Variants in CDH9 observed in about 807,000 individuals in gnomAD.
CDH9 encodes the protein cadherin-9.
A neutral mutation model predicts 70.9 loss-of-function variants in CDH9; 28 were observed. The observed-to-expected ratio is 0.40, with a 90% confidence interval of 0.29 to 0.54. CDH9 has a LOEUF of 0.54. Among genes scored for constraint, CDH9 ranks in the 20% least tolerant of loss-of-function variants. CDH9 has a pLI of 0.59. For missense variants in CDH9, 874 were observed against 984.4 expected (o/e 0.89, Z 1.50); for synonymous variants, 409 against 343.1 (o/e 1.19, Z -2.12).
At position 26,915,862 on chromosome 5, in the gene CDH9, A is replaced by C; in HGVS notation, c.291T>G (p.Ala97=). 3 of 1,612,322 alleles carry C rather than the reference A, an allele frequency of 1.9e-6. No individual in the cohort carries two copies. The highest frequency in any genetic ancestry group is 2.5e-6 in the Non-Finnish European group (3 of 1,178,426). The change falls in exon 3 of 12, where the codon GCT becomes GCG. Residue 97 remains alanine (A), a synonymous_variant. Transcript: ENST00000231021. Reference sequence around the variant, plus strand: ...TTTCATCTATAACAAATAGACTGCCAGCCCCATCTCCTGTTAGTATGTATT... The same window carrying C: ...TTTCATCTATAACAAATAGACTGCCCGCCCCATCTCCTGTTAGTATGTATT... ...NLKYILTGDG[A]GSLFVIDENT...
chr5:26,964,790 C>G, intron 2 of CDH9, among the ~76,000 whole-genome samples: 1 of 142,278 alleles, frequency 7.0e-6, no homozygotes, highest in Non-Finnish European at 1.5e-5. Flanking sequence ...CCCACCCCCA[C>G]CACCCCCCAA....
chr5:26,896,496 TTTCATTATAGAATAGAATGAAATGAAAA>T (rs1250049483), intron 7 of CDH9, among the ~76,000 whole-genome samples: 8 of 151,584 alleles, frequency 5.3e-5, no homozygotes, highest in Non-Finnish European at 8.9e-5. Flanking sequence ...ATGAATTTCA[TTTCATTATAGAATAGAATGAAATGAAAA>T]TTTCATTTCA....
chr5:26,890,900 T>A (rs1740649291), intron 7 of CDH9: 1 of 190,708 alleles, frequency 5.2e-6, no homozygotes, highest in African/African-American at 2.3e-5. Context: ...TAAACAGTAA[T>A]GTTAAACTTG....
intron 2 of CDH9, among the ~76,000 whole-genome samples, chr5:26,940,625 A>G (rs1741644483): frequency 6.6e-6 from 1 of 152,192 alleles, no homozygotes; most frequent in South Asian, 2.1e-4. Context: ...GTAGATATCC[A>G]GGAATTATTG....
At chr5:26,893,425 A>C (rs1740694474) in intron 7 of CDH9, among the ~76,000 whole-genome samples, 1 of 152,138 alleles carries the variant, frequency 6.6e-6, no homozygotes, top group Admixed American at 6.6e-5. Context: ...CTGTTTTGTC[A>C]TTCAACAGGA....
intron 2 of CDH9, among the ~76,000 whole-genome samples, chr5:26,926,826 C>T (rs996294627): frequency 6.7e-6 from 1 of 149,030 alleles, no homozygotes; most frequent in African/African-American, 2.5e-5. Flanking sequence ...ACAAACCTGA[C>T]AAAAACAAGA....
rs1340493492 is a variant in CDH9 at position 26,885,823 on chromosome 5, C to T, written c.1673G>A (p.Arg558His). ...CAATAAGTAGGTGCTCATTTTGTTGCGACTGTAGCCATCTTTCCGAGTCAT... is the reference window on the plus strand; with the variant it reads ...CAATAAGTAGGTGCTCATTTTGTTGTGACTGTAGCCATCTTTCCGAGTCAT... The part of the protein sequence containing the change: ...GIMTRKDGYS[R>H]NKMSTYLLPI... The change falls in exon 11 of 12, where the codon CGC becomes CAC. Residue 558 changes from arginine to histidine, a missense_variant. Transcript: ENST00000231021. The T allele has an allele frequency of 2.5e-6, 4 of 1,613,696 alleles. No homozygotes were observed. The highest frequency in any genetic ancestry group is 1.1e-5 in the South Asian group (1 of 91,076).
rs1320967906 is a variant in CDH9 at position 26,897,923 on chromosome 5, C to T, written c.1253+4553G>A. 2.0e-5 allele frequency among the ~76,000 whole-genome samples: 3 copies of T among 152,016 alleles called. No homozygotes were observed. In the East Asian group the frequency reaches 5.8e-4, roughly 29 times the overall value. On this transcript the variant is annotated intron_variant, in intron 7 of 11. Coordinates refer to ENST00000231021, the MANE Select transcript of CDH9 (RefSeq NM_016279.4). ...TGACATGATTGTATATTTAGAAAAC[C>T]CCATCGTCTCAGCCCCAAATCTCCT...
intron 3 of CDH9, among the ~76,000 whole-genome samples, chr5:26,914,794 T>G (rs1741119840): frequency 6.6e-6 from 1 of 152,074 alleles, no homozygotes; most frequent in South Asian, 2.1e-4. Context: ...TGAAATAGTA[T>G]TCAACTAAAT....
intron 1 of CDH9, among the ~76,000 whole-genome samples, chr5:27,005,153 G>A (rs574342618): frequency 2.0e-5 from 3 of 151,984 alleles, no homozygotes; most frequent in African/African-American, 7.2e-5. Flanking sequence ...TTAATGGTGA[G>A]AGCAAAATAC....
chr5:27,027,177 G>C (rs933883707), intron 1 of CDH9, among the ~76,000 whole-genome samples: 16 of 151,990 alleles, frequency 1.1e-4, no homozygotes, highest in Non-Finnish European at 1.8e-4. Flanking sequence ...AAAGTGTAGA[G>C]TGTTCTATCT....
chr5:26,923,082 A>C (rs1415810822), intron 2 of CDH9, among the ~76,000 whole-genome samples: 1 of 139,306 alleles, frequency 7.2e-6, no homozygotes, highest in Non-Finnish European at 1.6e-5. Flanking sequence ...AAAAAAAAAA[A>C]AAAACACAAA....
intron 2 of CDH9, among the ~76,000 whole-genome samples, chr5:26,944,420 G>A (rs1741711882): frequency 6.6e-6 from 1 of 152,166 alleles, no homozygotes; most frequent in South Asian, 2.1e-4. Flanking sequence ...GGAGGCTGGG[G>A]CAAGAGGATC....
At chr5:26,930,236 G>A (rs577684957) in intron 2 of CDH9, among the ~76,000 whole-genome samples, 7 of 151,946 alleles carry the variant, frequency 4.6e-5, no homozygotes, top group East Asian at 3.9e-4. Context: ...TAGGAGTAAG[G>A]TTTGCTTTGG....
chr5:26,884,174 C>A (rs1331730804), intron 11 of CDH9, among the ~76,000 whole-genome samples: 2 of 151,842 alleles, frequency 1.3e-5, no homozygotes, highest in Non-Finnish European at 2.9e-5. Context: ...TGGCTGACTG[C>A]AGAACAGAAG....
chr5:26,918,159 TTA>T (rs1366630053), intron 2 of CDH9, among the ~76,000 whole-genome samples: 1 of 152,182 alleles, frequency 6.6e-6, no homozygotes, highest in Non-Finnish European at 1.5e-5. Flanking sequence ...TGTTTTGCCT[TTA>T]TGTCTCAGAA....
intron 2 of CDH9, among the ~76,000 whole-genome samples, chr5:26,930,290 T>C (rs963596751): frequency 1.3e-5 from 2 of 152,122 alleles, no homozygotes; most frequent in Non-Finnish European, 2.9e-5. Context: ...TATGGAGATA[T>C]AATTGATAGC....
At chr5:27,037,081 A>C (rs1441811267) in intron 1 of CDH9, among the ~76,000 whole-genome samples, 1 of 151,994 alleles carries the variant, frequency 6.6e-6, no homozygotes, top group Non-Finnish European at 1.5e-5. Context: ...CTTCTTCTGC[A>C]GAATGTAGGA....
At position 26,915,822 on chromosome 5, in the gene CDH9, G is replaced by A. The variant is rs778294609; in HGVS notation, c.331C>T (p.His111Tyr). ...FVIDENTGDI[H>Y]AAKKLDREEK... Reference sequence around the variant, plus strand: ...TCTCTGTCTAGTTTCTTTGCAGCATGAATGTCTCCTGTATTTTCATCTATA... The same window carrying A: ...TCTCTGTCTAGTTTCTTTGCAGCATAAATGTCTCCTGTATTTTCATCTATA... Residue 111 changes from histidine to tyrosine, a missense_variant, in exon 3 of 12, where the codon CAT becomes TAT. Physicochemically the swap from His to Tyr is moderately conservative, Grantham distance 83. Coordinates refer to ENST00000231021, the MANE Select transcript of CDH9 (RefSeq NM_016279.4). The A allele has an allele frequency of 5.6e-6, 9 of 1,613,060 alleles. No individual in the cohort carries two copies. In the Admixed American group the frequency reaches 1.3e-4, roughly 24 times the overall value.
Sources: allele counts gnomAD v4.1 joint callset (sites outside exome capture counted in the v4.1 genomes callset), GRCh38; gene constraint gnomAD v4.1.1; transcripts MANE v1.5; gene names NCBI Gene and HGNC (gene_info 2026-07-23, HGNC 2026-07-21).